Variants in PPIL6 observed in about 807,000 individuals in gnomAD.
The protein encoded by PPIL6 is peptidylprolyl isomerase like 6.
In PPIL6, 39 loss-of-function variants were observed where a neutral mutation model predicts 36.8. The observed-to-expected ratio is 1.06, with a 90% confidence interval of 0.82 to 1.38. The LOEUF is 1.38. Among genes scored for constraint, PPIL6 ranks in the 40% most tolerant of loss-of-function variants. The pLI is 0.00. For synonymous variants in PPIL6, 123 were observed against 134.1 expected (o/e 0.92, Z 0.57); for missense variants, 368 against 379.1 (o/e 0.97, Z 0.24).
chr6:109,423,204 T>G (rs1352984926), intron 5 of PPIL6, among the ~76,000 whole-genome samples: 1 of 151,950 alleles, frequency 6.6e-6, no homozygotes, highest in East Asian at 1.9e-4. Flanking sequence ...CCATCTCTAC[T>G]AAAAATAGAA....
intron 6 of PPIL6, among the ~76,000 whole-genome samples, chr6:109,401,400 T>C (rs996864858): frequency 8.5e-5 from 13 of 152,218 alleles, no homozygotes; most frequent in African/African-American, 2.7e-4. Flanking sequence ...AATAACTTCA[T>C]AAATTTCTGA....
intron 7 of PPIL6, among the ~76,000 whole-genome samples, chr6:109,393,412 G>A (rs1462192575): frequency 6.6e-6 from 1 of 152,034 alleles, no homozygotes; most frequent in Non-Finnish European, 1.5e-5. Flanking sequence ...TTTTTGTACA[G>A]ATAGGATCTT....
chr6:109,398,782 T>C (rs527691817), intron 7 of PPIL6, among the ~76,000 whole-genome samples: 1 of 152,362 alleles, frequency 6.6e-6, no homozygotes, highest in South Asian at 2.1e-4. Context: ...ACCTCTTCAC[T>C]TCTACATATT....
chr6:109,428,649 A>G (rs538352568), intron 3 of PPIL6, among the ~76,000 whole-genome samples: 1 of 152,048 alleles, frequency 6.6e-6, no homozygotes, highest in East Asian at 1.9e-4. Flanking sequence ...TAAATGTATC[A>G]TATTTTTTAT....
chr6:109,392,556 T>G lies in PPIL6; in HGVS notation c.*270A>C, dbSNP rs563913148. 67 of 332,408 alleles carry G rather than the reference T, an allele frequency of 2.0e-4. No individual in the cohort carries two copies. The highest frequency in any genetic ancestry group is 3.3e-4 in the Non-Finnish European group (60 of 183,820). The allele number at this position is 332,408 out of a possible 1,614,324, so 20.6% of individuals were successfully genotyped here. On this transcript the variant is annotated 3_prime_UTR_variant, in exon 8 of 8. Transcript: ENST00000521072. ...GATGAAGGGGAAGGGGCAGGACCAC[T>G]GGCGTTCTATTCCTGTCCCACTGGC...
chr6:109,407,486 G>T (rs556714180), intron 6 of PPIL6, among the ~76,000 whole-genome samples: 1 of 152,042 alleles, frequency 6.6e-6, no homozygotes, highest in South Asian at 2.1e-4. Flanking sequence ...TGATCTGCCC[G>T]CCTCGGCCTC....
intron 3 of PPIL6, among the ~76,000 whole-genome samples, chr6:109,428,194 T>C (rs540925260): frequency 6.6e-6 from 1 of 152,170 alleles, no homozygotes; most frequent in Non-Finnish European, 1.5e-5. Context: ...AGTTTCAACA[T>C]AATAGCATTC....
chr6:109,438,714 G>A (rs956533116), intron 1 of PPIL6, among the ~76,000 whole-genome samples: 7 of 151,674 alleles, frequency 4.6e-5, no homozygotes, highest in African/African-American at 1.2e-4. Context: ...TCAGCTTCCC[G>A]AGTAGCTGGG....
At chr6:109,403,044 G>A (rs779718297) in intron 6 of PPIL6, 28 of 1,530,478 alleles carry the variant, frequency 1.8e-5, no homozygotes, top group Non-Finnish European at 2.3e-5. Flanking sequence ...GGTATTTCTC[G>A]ATCTTTCCAA....
chr6:109,411,664 TA>T (rs1773018484), intron 6 of PPIL6, among the ~76,000 whole-genome samples: 1 of 152,228 alleles, frequency 6.6e-6, no homozygotes, highest in Non-Finnish European at 1.5e-5. Flanking sequence ...CTTGCTTATT[TA>T]ACCTCTTAGT....
intron 2 of PPIL6, among the ~76,000 whole-genome samples, chr6:109,433,406 T>C (rs1774272347): frequency 6.6e-6 from 1 of 152,256 alleles, no homozygotes; most frequent in Non-Finnish European, 1.5e-5. Context: ...TGTGGATATT[T>C]CAGCTAGCTT....
intron 2 of PPIL6, among the ~76,000 whole-genome samples, chr6:109,435,667 G>C (rs748583272): frequency 6.6e-6 from 1 of 151,264 alleles, no homozygotes; most frequent in Non-Finnish European, 1.5e-5. Context: ...ACTCACGCCT[G>C]TAATCCCAGC....
At chr6:109,397,373 C>T (rs544190344) in intron 7 of PPIL6, among the ~76,000 whole-genome samples, 367 of 152,044 alleles carry the variant, frequency 2.4e-3, no homozygotes, top group Non-Finnish European at 4.2e-3. Flanking sequence ...GCTCTGTGTT[C>T]GCTTTGGTGA....
At chr6:109,406,445 C>T (rs1437702635) in intron 6 of PPIL6, among the ~76,000 whole-genome samples, 1 of 152,098 alleles carries the variant, frequency 6.6e-6, no homozygotes. Context: ...GAGGCTTAGT[C>T]AGACTCATAT....
intron 6 of PPIL6, among the ~76,000 whole-genome samples, chr6:109,407,534 G>T (rs901352188): frequency 1.3e-5 from 2 of 151,984 alleles, no homozygotes; most frequent in Non-Finnish European, 2.9e-5. Context: ...GCCCGGCCAG[G>T]ACTATGGAAT....
intron 6 of PPIL6, among the ~76,000 whole-genome samples, chr6:109,409,826 A>G (rs1772945258): frequency 6.6e-6 from 1 of 152,268 alleles, no homozygotes; most frequent in Non-Finnish European, 1.5e-5. Flanking sequence ...AAAAATCTCT[A>G]CAATGAAAAC....
intron 7 of PPIL6, among the ~76,000 whole-genome samples, chr6:109,397,943 G>A (rs1300540759): frequency 3.3e-5 from 5 of 151,150 alleles, no homozygotes; most frequent in South Asian, 4.2e-4. Flanking sequence ...TCAGACTGGA[G>A]TGCAGTGGTG....
intron 5 of PPIL6, among the ~76,000 whole-genome samples, chr6:109,421,953 T>C (rs1289182472): frequency 6.6e-6 from 1 of 152,150 alleles, no homozygotes; most frequent in Non-Finnish European, 1.5e-5. Flanking sequence ...CTCGGCTCAC[T>C]GCAACGGCCA....
chr6:109,402,033 G>C (rs1271241478), intron 6 of PPIL6, among the ~76,000 whole-genome samples: 2 of 152,140 alleles, frequency 1.3e-5, no homozygotes, highest in East Asian at 3.9e-4. Context: ...CAGATTCAGA[G>C]AGTTTTAACA....
Sources: gnomAD v4.1 joint callset for allele counts (sites outside exome capture counted in the v4.1 genomes callset) on GRCh38, gnomAD v4.1.1 for gene constraint, MANE v1.5 for transcripts, NCBI Gene and HGNC (gene_info 2026-07-23, HGNC 2026-07-21) for gene names.